The following ADGRB3 variants were observed in gnomAD, a reference collection of about 807,000 sequenced individuals.
The protein encoded by ADGRB3 is adhesion G protein-coupled receptor B3, also known as brain-specific angiogenesis inhibitor 3.
Under a neutral mutation model 193.4 loss-of-function variants are expected in ADGRB3, and 37 were observed. That is an observed-to-expected ratio of 0.19 (90% CI 0.15 to 0.25). The LOEUF (loss-of-function observed/expected upper bound fraction) is 0.25. Ranked by LOEUF, ADGRB3 falls within the 10% of genes least tolerant of loss-of-function variation. ADGRB3 has a pLI of 1.00. For missense variants in ADGRB3, 1,637 were observed against 1,852.9 expected (o/e 0.88, Z 2.14); for synonymous variants, 690 against 644.2 (o/e 1.07, Z -1.08).
intron 3 of ADGRB3, among the ~76,000 whole-genome samples, chr6:68,696,050 C>T (rs1392310829): frequency 2.0e-5 from 3 of 152,012 alleles, no homozygotes; most frequent in East Asian, 1.9e-4. Flanking sequence ...ATCTCCCCTT[C>T]CTCCTCTCTG....
At chr6:69,316,133 A>G (rs1582626960) in intron 20 of ADGRB3, among the ~76,000 whole-genome samples, 1 of 151,304 alleles carries the variant, frequency 6.6e-6, no homozygotes, top group African/African-American at 2.4e-5. Context: ...TTAAGATGCT[A>G]ACACCTTTAG....
At chr6:68,909,671 C>T (rs768492486) in intron 3 of ADGRB3, among the ~76,000 whole-genome samples, 10 of 152,170 alleles carry the variant, frequency 6.6e-5, no homozygotes, top group Middle Eastern at 6.8e-3. Flanking sequence ...TTTTAGATAT[C>T]GCTTCTTTGT....
intron 17 of ADGRB3, among the ~76,000 whole-genome samples, chr6:69,196,390 C>A (rs868190373): frequency 2.6e-5 from 4 of 152,172 alleles, no homozygotes; most frequent in Admixed American, 6.6e-5. Flanking sequence ...GCTTAGACAA[C>A]AGAAATTTAA....
At chr6:68,691,382 T>C (rs575739344) in intron 3 of ADGRB3, among the ~76,000 whole-genome samples, 9 of 152,168 alleles carry the variant, frequency 5.9e-5, no homozygotes, top group African/African-American at 1.9e-4. Context: ...GGTCGATTGA[T>C]AGATGAATGT....
At chr6:69,064,019 T>A (rs1438980759) in intron 16 of ADGRB3, among the ~76,000 whole-genome samples, 1 of 152,010 alleles carries the variant, frequency 6.6e-6, no homozygotes, top group Admixed American at 6.6e-5. Flanking sequence ...TAAGTCATTA[T>A]CCCAAGCCCA....
intron 17 of ADGRB3, among the ~76,000 whole-genome samples, chr6:69,222,619 G>A (rs570338346): frequency 6.6e-6 from 1 of 152,174 alleles, no homozygotes; most frequent in Admixed American, 6.5e-5. Flanking sequence ...TTTTGAAACT[G>A]ATCACAAATA....
At chr6:68,791,283 G>A (rs1456957873) in intron 3 of ADGRB3, among the ~76,000 whole-genome samples, 2 of 152,118 alleles carry the variant, frequency 1.3e-5, no homozygotes, top group African/African-American at 4.8e-5. Flanking sequence ...CGTAATTACA[G>A]AGTGATTCAT....
At chr6:68,654,162 C>G (rs1053729493) in intron 3 of ADGRB3, among the ~76,000 whole-genome samples, 1 of 151,848 alleles carries the variant, frequency 6.6e-6, no homozygotes, top group African/African-American at 2.4e-5. Context: ...ATTAACATCC[C>G]CTTTGAGTAG....
chr6:68,915,755 T>C lies in ADGRB3; in HGVS notation c.758-14804T>C, dbSNP rs115770289. Among the ~76,000 whole-genome samples the C allele has an allele frequency of 9.2e-3, 1,397 of 151,690 alleles. 21 individuals carry two copies. The highest frequency in any genetic ancestry group is 0.032 in the African/African-American group (1,334 of 41,168). On this transcript the variant is annotated intron_variant, in intron 3 of 31. Coordinates refer to ENST00000370598, the MANE Select transcript of ADGRB3 (RefSeq NM_001704.3). ...GAAAGCTTGCCTTCTGTCTGGAGCT[T>C]TGAGTGGGAGGGGAAAAAAAAAACT...
chr6:68,862,297 T>G (rs572222110), intron 3 of ADGRB3, among the ~76,000 whole-genome samples: 8 of 152,360 alleles, frequency 5.3e-5, no homozygotes, highest in Non-Finnish European at 1.2e-4. Flanking sequence ...TGTTATTGTT[T>G]CTTCATAAAA....
intron 3 of ADGRB3, among the ~76,000 whole-genome samples, chr6:68,795,052 T>C (rs1767180496): frequency 6.6e-6 from 1 of 152,086 alleles, no homozygotes; most frequent in Non-Finnish European, 1.5e-5. Context: ...TAATGCCATA[T>C]ATACACAGGA....
chr6:68,902,353 GGAAT>G (rs1447956092), intron 3 of ADGRB3, among the ~76,000 whole-genome samples: 3 of 151,664 alleles, frequency 2.0e-5, no homozygotes, highest in African/African-American at 7.3e-5. Flanking sequence ...TTCTGCTTAG[GGAAT>G]GATTATTAAC....
At chr6:68,978,651 T>C (rs537546061) in intron 10 of ADGRB3, among the ~76,000 whole-genome samples, 1 of 151,684 alleles carries the variant, frequency 6.6e-6, no homozygotes, top group South Asian at 2.1e-4. Flanking sequence ...GTTGCTTTGC[T>C]AAGTCATGCT....
chr6:69,194,177 C>T (rs1042434156), intron 17 of ADGRB3, among the ~76,000 whole-genome samples: 14 of 152,084 alleles, frequency 9.2e-5, no homozygotes, highest in African/African-American at 2.6e-4. Flanking sequence ...TTTTAAATGT[C>T]ATATGATAGA....
intron 3 of ADGRB3, among the ~76,000 whole-genome samples, chr6:68,652,815 A>C (rs1768397852): frequency 6.6e-6 from 1 of 152,144 alleles, no homozygotes; most frequent in Non-Finnish European, 1.5e-5. Flanking sequence ...ATTATGCTTA[A>C]TTCCTTTGGT....
At chr6:69,188,341 C>T (rs960404028) in intron 17 of ADGRB3, among the ~76,000 whole-genome samples, 7 of 151,948 alleles carry the variant, frequency 4.6e-5, no homozygotes, top group Admixed American at 1.3e-4. Flanking sequence ...GAGTTTCACT[C>T]TTTGTTGCCC....
chr6:69,071,804 C>T (rs188802688), intron 16 of ADGRB3, among the ~76,000 whole-genome samples: 13 of 152,208 alleles, frequency 8.5e-5, no homozygotes, highest in Admixed American at 3.3e-4. Flanking sequence ...TAGTTTACTG[C>T]ATTTGTTAAA....
At chr6:69,086,236 A>G (rs1252816675) in intron 17 of ADGRB3, among the ~76,000 whole-genome samples, 1 of 152,158 alleles carries the variant, frequency 6.6e-6, no homozygotes, top group Non-Finnish European at 1.5e-5. Context: ...AGTATCTTCA[A>G]TATAATAATA....
chr6:68,947,921 G>GAAAC (rs1241237582), intron 6 of ADGRB3, among the ~76,000 whole-genome samples: 3 of 152,096 alleles, frequency 2.0e-5, no homozygotes, highest in African/African-American at 7.2e-5. Context: ...AGAGTGAGGG[G>GAAAC]AAACTAACAT....
Sources: allele counts gnomAD v4.1 joint callset (sites outside exome capture counted in the v4.1 genomes callset), GRCh38; gene constraint gnomAD v4.1.1; transcripts MANE v1.5; gene names NCBI Gene and HGNC (gene_info 2026-07-23, HGNC 2026-07-21).